The following CTC1 variants were observed in gnomAD, a reference collection of about 807,000 sequenced individuals.
CTC1 encodes the protein CST telomere replication complex component 1.
In CTC1, 91 loss-of-function variants were observed where a neutral mutation model predicts 136.3. That is an observed-to-expected ratio of 0.67 (90% CI 0.56 to 0.79). The LOEUF (loss-of-function observed/expected upper bound fraction) is 0.79, where lower values mean the gene tolerates loss of function less well. Among genes scored for constraint, CTC1 ranks in the 30% least tolerant of loss-of-function variants. The pLI is 0.00. For missense variants in CTC1, 1,432 were observed against 1,498.1 expected, an observed-to-expected ratio of 0.96 and a Z score of 0.73; for synonymous variants, 606 against 613.8, an observed-to-expected ratio of 0.99 and a Z score of 0.19.
In CTC1 at chr17:8,237,388, G is replaced by C; in HGVS notation, c.779C>G (p.Ser260Cys). 6.2e-7 allele frequency: 1 copy of C among 1,613,988 alleles called. No individual in the cohort carries two copies. The highest frequency in any genetic ancestry group is 8.5e-7 in the Non-Finnish European group (1 of 1,179,998). The change falls in exon 5 of 23, where the codon TCC becomes TGC. Residue 260 changes from serine (S) to cysteine (C), a missense_variant. Ser to Cys is a moderately radical substitution (Grantham distance 112). Coordinates refer to ENST00000651323, the MANE Select transcript of CTC1 (RefSeq NM_025099.6). ...GRSHPAVTHVSIIVQVPAQLV... is the reference protein window; with the variant it reads ...GRSHPAVTHVCIIVQVPAQLV... Reference sequence around the variant, plus strand: ...CCCAGTCCTCACCTGCACGATGATGGACACGTGGGTGACAGCTGGGTGTGA... The same window carrying C: ...CCCAGTCCTCACCTGCACGATGATGCACACGTGGGTGACAGCTGGGTGTGA...
Position 8,228,809 on chromosome 17 carries a change from C to T in CTC1, c.3305G>A (p.Arg1102Lys), listed in dbSNP as rs372789589. The T allele has an allele frequency of 8.7e-6, 14 of 1,614,024 alleles. No individual in the cohort carries two copies. The highest frequency in any genetic ancestry group is 1.3e-5 in the African/African-American group (1 of 74,916). The change falls in exon 21 of 23, where the codon AGA (arginine) becomes AAA (lysine). Residue 1102 changes from arginine (R) to lysine (K), a missense_variant. Coordinates refer to ENST00000651323, the MANE Select transcript of CTC1 (RefSeq NM_025099.6). Reference protein sequence around the residue: ...HVAAALGLCPREWASLLDFVQ... With the variant: ...HVAAALGLCPKEWASLLDFVQ... Reference sequence around the variant, plus strand: ...GAAATCTAGGAGGGAGGCCCACTCTCTAGGACACAGCCCTAGTGCTGCTGC... The same window carrying T: ...GAAATCTAGGAGGGAGGCCCACTCTTTAGGACACAGCCCTAGTGCTGCTGC...
At position 8,238,530 on chromosome 17, in the gene CTC1, A is replaced by G; in HGVS notation, c.297T>C (p.Ala99=). The change falls in exon 3 of 23, where the codon GCT becomes GCC. Residue 99 remains alanine (A), a synonymous_variant. Coordinates refer to ENST00000651323, the MANE Select transcript of CTC1 (RefSeq NM_025099.6). ...GGGGCAGGGGGTTCCCATTTGGTCCAGCCTCTTGGGCCCAGGCCTGGTATG... is the reference window on the plus strand; with the variant it reads ...GGGGCAGGGGGTTCCCATTTGGTCCGGCCTCTTGGGCCCAGGCCTGGTATG... ...SSAYQAWAQE[A]GPNGNPLPRE... 1 of 1,614,208 alleles carries G rather than the reference A, an allele frequency of 6.2e-7. No individual in the cohort carries two copies. The highest frequency in any genetic ancestry group is 1.3e-5 in the African/African-American group (1 of 75,060).
In CTC1 at chr17:8,234,452, T is replaced by G; in HGVS notation, c.1818+3A>C. 6.4e-7 allele frequency: 1 copy of G among 1,551,760 alleles called. No individual in the cohort carries two copies. Among genetic ancestry groups the G allele is most frequent in the Non-Finnish European group, 8.7e-7 (1 of 1,146,954 alleles). ...ACCTGAGCCCTGCTAGGGTCCCCCT[T>G]ACCTGGGCTGGGCAGAAGGCAGAGG... On this transcript the variant is annotated splice_donor_region_variant and intron_variant, in intron 10 of 22. Transcript: ENST00000651323.
intron 1 of CTC1, among the ~76,000 whole-genome samples, chr17:8,245,451 TA>T (rs1389637813): frequency 6.6e-6 from 1 of 152,004 alleles, no homozygotes; most frequent in African/African-American, 2.4e-5. Context: ...GCCCCACCAG[TA>T]TAAGCAAAGT....
chr17:8,247,941 A>T, intron 1 of CTC1, 63 bp downstream of exon 1: 1 of 1,531,600 alleles, frequency 6.5e-7, no homozygotes, highest in Non-Finnish European at 9.0e-7. Flanking sequence ...AGGAAATAGG[A>T]AGAGAAAGAG....
chr17:8,236,631 C>T (rs1363404167), intron 5 of CTC1, among the ~76,000 whole-genome samples: 1 of 152,170 alleles, frequency 6.6e-6, no homozygotes, highest in Non-Finnish European at 1.5e-5. Context: ...CCCCATAACA[C>T]ACAAACAACA....
Position 8,226,325 on chromosome 17 carries a change from T to G in CTC1, c.*1855A>C, listed in dbSNP as rs752115178. Reference sequence around the variant, plus strand: ...CACGGCGCCGAAGCTGCCATAAAGGTTCCTGAAATTCATCTACAAGAATAT... The same window carrying G: ...CACGGCGCCGAAGCTGCCATAAAGGGTCCTGAAATTCATCTACAAGAATAT... On this transcript the variant is annotated 3_prime_UTR_variant, in exon 23 of 23. Transcript: ENST00000651323. 2 of 152,066 alleles carry G rather than the reference T, an allele frequency of 1.3e-5. No individual in the cohort carries two copies. The highest frequency in any genetic ancestry group is 2.4e-5 in the African/African-American group (1 of 41,388). 9.4% of individuals were successfully genotyped at this position (152,066 alleles called of 1,614,324 possible).
In CTC1 at chr17:8,228,114, G is replaced by A; in HGVS notation, c.*66C>T. On this transcript the variant is annotated 3_prime_UTR_variant, in exon 23 of 23. Transcript: ENST00000651323. Reference sequence around the variant, plus strand: ...TTCAATCACAGAACAAGTAGGGAGAGGAGCCAGGACCTAGGCCTTCAGGTT... The same window carrying A: ...TTCAATCACAGAACAAGTAGGGAGAAGAGCCAGGACCTAGGCCTTCAGGTT... 1 of 1,479,858 alleles carries A rather than the reference G, an allele frequency of 6.8e-7. No individual in the cohort carries two copies. Among genetic ancestry groups the A allele is most frequent in the South Asian group, 1.1e-5 (1 of 87,276 alleles). The allele number at this position is 1,479,858 out of a possible 1,614,324, so 91.7% of individuals were successfully genotyped here. A position where few individuals can be genotyped will look rare whatever the true frequency, so the allele number is the denominator to read the frequency against.
At chr17:8,242,620 T>G in intron 2 of CTC1, among the ~76,000 whole-genome samples, 1 of 144,298 alleles carries the variant, frequency 6.9e-6, no homozygotes, top group South Asian at 2.2e-4. Flanking sequence ...GCCCTAAAAC[T>G]CACATCTTAA....
Position 8,232,892 on chromosome 17 carries a change from T to A in CTC1, c.1945+14A>T. ...ATCCCACTACCATCTTCTTTCCACATCTGAACTCCAAACCTATCAGCCGTG... is the reference window on the plus strand; with the variant it reads ...ATCCCACTACCATCTTCTTTCCACAACTGAACTCCAAACCTATCAGCCGTG... On this transcript the variant is annotated intron_variant, in intron 11 of 22. Coordinates refer to ENST00000651323, the MANE Select transcript of CTC1 (RefSeq NM_025099.6). 6.2e-7 allele frequency: 1 copy of A among 1,613,482 alleles called. No homozygotes were observed.
intron 2 of CTC1, among the ~76,000 whole-genome samples, chr17:8,240,176 A>G: frequency 6.9e-6 from 1 of 144,904 alleles, no homozygotes; most frequent in Non-Finnish European, 1.5e-5. Context: ...TTTTTTTGAG[A>G]CAGAGTCTTG....
At chr17:8,234,187 C>A (rs1289640018) in intron 10 of CTC1, among the ~76,000 whole-genome samples, 2 of 152,138 alleles carry the variant, frequency 1.3e-5, no homozygotes, top group African/African-American at 4.8e-5. Flanking sequence ...TCTACCCAGG[C>A]TGGTCTCAAA....
intron 14 of CTC1, 56 bp from the exon 15 acceptor site, chr17:8,231,525 T>G (rs950930493): frequency 2.0e-6 from 3 of 1,499,568 alleles, no homozygotes; most frequent in Non-Finnish European, 1.8e-6. Flanking sequence ...CAGTGGGAGG[T>G]TCACAAAACA....
rs367664787 is a variant in CTC1 at position 8,228,248 on chromosome 17, A to G, written c.3586T>C (p.Leu1196=). 3.7e-6 allele frequency: 6 copies of G among 1,614,162 alleles called. No individual in the cohort carries two copies. Among genetic ancestry groups the G allele is most frequent in the Non-Finnish European group, 5.1e-6 (6 of 1,180,002 alleles). ...FLTHVNPRLR[L]SCLSIRESEY... Reference sequence around the variant, plus strand: ...GACTCTCGGATAGAAAGGCAGGACAATCGGAGCCTGGGGTTCACGTGAGTC... The same window carrying G: ...GACTCTCGGATAGAAAGGCAGGACAGTCGGAGCCTGGGGTTCACGTGAGTC... Residue 1196 remains leucine (L), a synonymous_variant, in exon 23 of 23, where the codon TTG becomes CTG. Transcript: ENST00000651323.
chr17:8,231,353 G>A lies in CTC1; in HGVS notation c.2592C>T (p.Ser864=). ...VQDNWTLELE[S]SQDIQDVLDA... ...CCAGCACATCTTGGATATCCTGGGA[G>A]CTTTCAAGCTCCAGAGTCCAGTTGT... The change falls in exon 15 of 23, where the codon AGC becomes AGT. Residue 864 remains serine, a synonymous_variant. Transcript: ENST00000651323. 2.5e-6 allele frequency: 4 copies of A among 1,611,792 alleles called. No homozygotes were observed. Among genetic ancestry groups the A allele is most frequent in the Non-Finnish European group, 2.5e-6 (3 of 1,178,140 alleles).
At position 8,227,276 on chromosome 17, in the gene CTC1, A is replaced by C. The variant is rs578206320; in HGVS notation, c.*904T>G. The C allele has an allele frequency of 2.0e-5, 3 of 152,282 alleles. No homozygotes were observed. In the South Asian group the frequency reaches 6.2e-4, roughly 32 times the overall value. The allele number at this position is 152,282 out of a possible 1,614,324, so 9.4% of individuals were successfully genotyped here. On this transcript the variant is annotated 3_prime_UTR_variant, in exon 23 of 23. Coordinates refer to ENST00000651323, the MANE Select transcript of CTC1 (RefSeq NM_025099.6). ...TCCATCTATCAGTCCCCAGTAAAGAAATGCAGCAACACCAGCCAAAGGCAT... is the reference window on the plus strand; with the variant it reads ...TCCATCTATCAGTCCCCAGTAAAGACATGCAGCAACACCAGCCAAAGGCAT...
chr17:8,231,539 T>C (rs535952684), intron 14 of CTC1, 70 bp from the exon 15 acceptor site: 1 of 1,451,020 alleles, frequency 6.9e-7, no homozygotes, highest in Admixed American at 2.0e-5. Flanking sequence ...CAAAACATTC[T>C]GACCCAATTT....
chr17:8,234,569 G>A lies in CTC1; in HGVS notation c.1704C>T (p.Asp568=), dbSNP rs749845817. Residue 568 remains aspartate, a synonymous_variant, in exon 10 of 23, where the codon GAC becomes GAT. Coordinates refer to ENST00000651323, the MANE Select transcript of CTC1 (RefSeq NM_025099.6). ...CCGGGAGGGGCAGAAGGGCCTTAGG[G>A]TCAAAGGAGGCCCAGGCCTTACGCT... ...EGQRKAWASF[D]PKALLPLPEA... 32 of 1,599,656 alleles carry A rather than the reference G, an allele frequency of 2.0e-5. No homozygotes were observed. Among genetic ancestry groups the A allele is most frequent in the Non-Finnish European group, 4.3e-6 (5 of 1,172,966 alleles).
intron 14 of CTC1, 93 bp downstream of exon 14, chr17:8,231,633 G>T: frequency 7.7e-7 from 1 of 1,303,906 alleles, no homozygotes; most frequent in Non-Finnish European, 1.1e-6. Flanking sequence ...CTTCCAGGAG[G>T]CCTAGAGAAT....
Sources: allele counts gnomAD v4.1 joint callset (sites outside exome capture counted in the v4.1 genomes callset), GRCh38; gene constraint gnomAD v4.1.1; transcripts MANE v1.5; gene names NCBI Gene and HGNC (gene_info 2026-07-23, HGNC 2026-07-21).